Variants in DENND1A observed in about 807,000 individuals in gnomAD.
DENND1A encodes the protein DENN domain containing 1A.
DENND1A carries 51 observed loss-of-function variants against 113.7 expected under a neutral mutation model. The ratio of observed to expected loss-of-function variants is 0.45; its 90% CI spans 0.36 to 0.57. The LOEUF is 0.57. DENND1A is among the 20% of genes least tolerant of loss of function. The pLI is 0.00. For synonymous variants in DENND1A, 565 were observed against 570.8 expected (o/e 0.99, Z 0.14); for missense variants, 1,258 against 1,395.9 (o/e 0.90, Z 1.57).
intron 19 of DENND1A, among the ~76,000 whole-genome samples, chr9:123,430,819 C>G (rs2046080218): frequency 6.6e-6 from 1 of 152,152 alleles, no homozygotes; most frequent in African/African-American, 2.4e-5. Flanking sequence ...CATGTGTACC[C>G]TGGAACTTAA....
chr9:123,462,439 T>C (rs2048601393), intron 13 of DENND1A, among the ~76,000 whole-genome samples: 2 of 152,196 alleles, frequency 1.3e-5, no homozygotes, highest in Non-Finnish European at 2.9e-5. Context: ...GCCTGGCTTC[T>C]CCCTGCAGCC....
Position 123,757,811 on chromosome 9 carries a change from C to G in DENND1A, c.194G>C (p.Ser65Thr). The G allele has an allele frequency of 6.2e-7, 1 of 1,613,800 alleles. No homozygotes were observed. Among genetic ancestry groups the G allele is most frequent in the Non-Finnish European group, 8.5e-7 (1 of 1,179,904 alleles). The change falls in exon 5 of 24, where the codon AGC becomes ACC. Residue 65 changes from serine to threonine, a missense_variant. By Grantham distance (58) the Ser-to-Thr change is moderately conservative. This residue lies in a region of DENND1A where 99 missense variants were observed against 164.2 expected (regional missense o/e 0.60). Transcript: ENST00000394215. ...GAATGTGAAGTTCTGGCCAACTTGG[C>G]TAACTGTGAGGCTGCAGCAAAGGCA... ...FPFYVDSLTV[S>T]QVGQNFTFVL... is the part of the protein sequence containing the mutation.
intron 19 of DENND1A, chr9:123,414,472 G>A: frequency 6.6e-7 from 1 of 1,522,246 alleles, no homozygotes. Context: ...CAGGGTGTCT[G>A]CTGAGAAACA....
chr9:123,497,875 A>C (rs1224682884), intron 13 of DENND1A, among the ~76,000 whole-genome samples: 1 of 151,660 alleles, frequency 6.6e-6, no homozygotes, highest in Non-Finnish European at 1.5e-5. Flanking sequence ...CTCAAATCTT[A>C]GGAAATGGGA....
In DENND1A at chr9:123,861,729, T is replaced by C. The variant is rs557727195; in HGVS notation, c.88+17222A>G. Among the ~76,000 whole-genome samples, 10 of 152,290 alleles carry C rather than the reference T, an allele frequency of 6.6e-5. No homozygotes were observed. In the East Asian group the frequency reaches 1.9e-3, roughly 29 times the overall value. ...AAGCCCACTGTGAACTTGATGAAGA[T>C]GTCAAGCTCCTTTAAAAAATATATA... On this transcript the variant is annotated intron_variant, in intron 2 of 23. Transcript: ENST00000394215.
At chr9:123,593,920 A>T (rs925121293) in intron 11 of DENND1A, among the ~76,000 whole-genome samples, 2 of 151,820 alleles carry the variant, frequency 1.3e-5, no homozygotes, top group Non-Finnish European at 2.9e-5. Context: ...TTCTCCCAAG[A>T]TCTGGTTGTT....
At chr9:123,637,929 ACACGCACACACACACACACACG>A (rs1356816084) in intron 9 of DENND1A, among the ~76,000 whole-genome samples, 2 of 88,174 alleles carry the variant, frequency 2.3e-5, no homozygotes, top group Admixed American at 1.4e-4. Flanking sequence ...ACACACACAC[ACACGCACACACACACACACACG>A]CGCACACACA....
intron 13 of DENND1A, among the ~76,000 whole-genome samples, chr9:123,516,107 T>TACAC (rs199923277): frequency 5.5e-4 from 76 of 138,650 alleles, no homozygotes; most frequent in African/African-American, 1.7e-3. Context: ...TACACACACA[T>TACAC]ACACACACAC....
At chr9:123,899,736 G>T (rs1402816996) in intron 1 of DENND1A, among the ~76,000 whole-genome samples, 1 of 152,140 alleles carries the variant, frequency 6.6e-6, no homozygotes, top group Admixed American at 6.5e-5. Flanking sequence ...CTGCTAAATT[G>T]TTCTTTCCTG....
intron 19 of DENND1A, among the ~76,000 whole-genome samples, 193 bp from the exon 20 acceptor site, chr9:123,412,022 C>A (rs1361255085): frequency 2.0e-5 from 3 of 152,212 alleles, no homozygotes; most frequent in Non-Finnish European, 4.4e-5. Flanking sequence ...CTAACCTTGT[C>A]TCCAGCCTGG....
intron 5 of DENND1A, among the ~76,000 whole-genome samples, chr9:123,697,423 G>A (rs1265673448): frequency 1.3e-5 from 2 of 152,152 alleles, no homozygotes; most frequent in Non-Finnish European, 2.9e-5. Context: ...TTGGGGTACA[G>A]GTGGTACTTG....
intron 4 of DENND1A, chr9:123,759,797 G>A (rs1405279788): frequency 6.6e-6 from 1 of 152,230 alleles, no homozygotes; most frequent in Non-Finnish European, 1.5e-5. Context: ...AACCTGAAGA[G>A]TGAATGGGTT....
intron 2 of DENND1A, among the ~76,000 whole-genome samples, chr9:123,796,606 G>T (rs1331268735): frequency 2.0e-5 from 3 of 152,044 alleles, no homozygotes; most frequent in Non-Finnish European, 4.4e-5. Context: ...TTTTACACAG[G>T]CTCCAAAAAC....
Position 123,578,813 on chromosome 9 carries a change from G to A in DENND1A, c.867+4356C>T, listed in dbSNP as rs570285357. ...TAGAGAAAGATATGGTCAAATCTAC[G>A]TGAAGGTCAGAAAAGATTCAGTGTG... On this transcript the variant is annotated intron_variant, in intron 12 of 23. Coordinates refer to ENST00000394215, the MANE Select transcript of DENND1A (RefSeq NM_001352964.2). 1.4e-3 allele frequency among the ~76,000 whole-genome samples: 210 copies of A among 151,870 alleles called. 1 individual carries two copies. Among genetic ancestry groups the A allele is most frequent in the Non-Finnish European group, 1.9e-3 (130 of 67,974 alleles).
chr9:123,590,444 T>C (rs1400910209), intron 11 of DENND1A, among the ~76,000 whole-genome samples: 1 of 152,168 alleles, frequency 6.6e-6, no homozygotes, highest in Non-Finnish European at 1.5e-5. Flanking sequence ...CCACCAGCTG[T>C]GCCAACTTGG....
At chr9:123,407,184 C>T (rs980798873) in intron 20 of DENND1A, among the ~76,000 whole-genome samples, 5 of 150,838 alleles carry the variant, frequency 3.3e-5, no homozygotes, top group Admixed American at 2.6e-4. Flanking sequence ...GTGGGGAGCA[C>T]GGAGCTGGAG....
At chr9:123,403,276 T>C (rs2043645616) in intron 21 of DENND1A, 126 bp downstream of exon 21, 1 of 917,966 alleles carries the variant, frequency 1.1e-6, no homozygotes. Context: ...GACCCCTTTG[T>C]GAAACACCCG....
chr9:123,757,023 C>T (rs1342965572), intron 5 of DENND1A, among the ~76,000 whole-genome samples: 1 of 152,138 alleles, frequency 6.6e-6, no homozygotes, highest in Non-Finnish European at 1.5e-5. Context: ...TTTACTTCCC[C>T]CTCAGGAGGA....
intron 13 of DENND1A, among the ~76,000 whole-genome samples, chr9:123,528,549 C>T (rs557215993): frequency 1.3e-5 from 2 of 152,322 alleles, no homozygotes; most frequent in South Asian, 4.1e-4. Flanking sequence ...TTCAATCTCC[C>T]TCAGATGTGT....
Sources: allele counts gnomAD v4.1 joint callset (sites outside exome capture counted in the v4.1 genomes callset), GRCh38; gene constraint gnomAD v4.1.1; regional missense constraint gnomAD v4.1.1; transcripts MANE v1.5; gene names NCBI Gene and HGNC (gene_info 2026-07-23, HGNC 2026-07-21).